The following ACACA variants were observed in gnomAD, a reference collection of about 807,000 sequenced individuals.
ACACA encodes the protein acetyl-CoA carboxylase 1.
In ACACA, 103 loss-of-function variants were observed where a neutral mutation model predicts 296.1. The observed-to-expected ratio is 0.35, with a 90% CI of 0.30 to 0.41. The LOEUF is 0.41. Among genes scored for constraint, ACACA ranks in the 10% least tolerant of loss-of-function variants. The pLI is 1.00. For missense variants in ACACA, 1,554 were observed against 2,989.7 expected (o/e 0.52, Z 11.20); for synonymous variants, 953 against 1,038.6 (o/e 0.92, Z 1.58).
At position 37,198,164 on chromosome 17, in the gene ACACA, GT is replaced by G. The variant is rs374062515; in HGVS notation, c.4158+1974del. Among the ~76,000 whole-genome samples the G allele has an allele frequency of 1.4e-3, 217 of 152,190 alleles. 1 individual carries two copies. The highest frequency in any genetic ancestry group is 4.9e-3 in the African/African-American group (205 of 41,518). Reference sequence around the variant, plus strand: ...ACTATAGATTCAGAGATAAGAAAGGGTTTTTTTATGTGTTACATATATGAGA... The same window carrying G: ...ACTATAGATTCAGAGATAAGAAAGGGTTTTTTATGTGTTACATATATGAGA... On this transcript the variant is annotated intron_variant, in intron 35 of 55. Transcript: ENST00000616317.
At chr17:37,207,572 T>G in intron 31 of ACACA, 85 bp downstream of exon 31, 1 of 1,534,794 alleles carries the variant, frequency 6.5e-7, no homozygotes, top group Non-Finnish European at 9.0e-7. Flanking sequence ...TCGGGAGACC[T>G]TTATTCATTT....
chr17:37,110,289 T>C (rs911156132), intron 52 of ACACA, among the ~76,000 whole-genome samples: 1 of 152,250 alleles, frequency 6.6e-6, no homozygotes, highest in East Asian at 1.9e-4. Context: ...TGAACAGTTG[T>C]AAGTAACTTG....
intron 10 of ACACA, among the ~76,000 whole-genome samples, chr17:37,265,992 C>G (rs2081750091): frequency 6.6e-6 from 1 of 152,180 alleles, no homozygotes; most frequent in Non-Finnish European, 1.5e-5. Flanking sequence ...AGTCTCTTGA[C>G]AACTTTGTGG....
intron 4 of ACACA, among the ~76,000 whole-genome samples, chr17:37,284,065 G>A (rs115763993): frequency 0.024 from 3,629 of 152,242 alleles, 131 homozygotes; most frequent in African/African-American, 0.083. Flanking sequence ...GGATGCTGAT[G>A]AAGTAATACT....
At chr17:37,248,977 C>T (rs2080849819) in intron 16 of ACACA, among the ~76,000 whole-genome samples, 1 of 152,148 alleles carries the variant, frequency 6.6e-6, no homozygotes, top group African/African-American at 2.4e-5. Flanking sequence ...TTTCAACTGG[C>T]AAAAGTGAAA....
intron 3 of ACACA, among the ~76,000 whole-genome samples, chr17:37,313,801 C>T (rs1402939092): frequency 2.6e-5 from 4 of 152,088 alleles, no homozygotes; most frequent in Non-Finnish European, 5.9e-5. Flanking sequence ...ATGGAGGTTC[C>T]TCAAAAAACT....
intron 1 of ACACA, among the ~76,000 whole-genome samples, chr17:37,364,431 T>TA (rs1338494549): frequency 6.6e-6 from 1 of 150,998 alleles, no homozygotes; most frequent in African/African-American, 2.4e-5. Context: ...CCATGTCTAG[T>TA]AAAAGTACAA....
chr17:37,253,161 A>G (rs948575473), intron 14 of ACACA, 125 bp from the exon 15 acceptor site: 11 of 1,349,372 alleles, frequency 8.2e-6, no homozygotes, highest in Middle Eastern at 1.8e-4. Flanking sequence ...GGAGGCCAAG[A>G]CAAGGCGGAT....
At chr17:37,273,109 A>G (rs895060072) in intron 9 of ACACA, among the ~76,000 whole-genome samples, 4 of 152,244 alleles carry the variant, frequency 2.6e-5, no homozygotes, top group Non-Finnish European at 5.9e-5. Context: ...AAATTCAATT[A>G]GAAATATTAA....
At chr17:37,095,644 G>A (rs1009807251) in intron 54 of ACACA, among the ~76,000 whole-genome samples, 1 of 152,096 alleles carries the variant, frequency 6.6e-6, no homozygotes, top group Admixed American at 6.5e-5. Context: ...CTCTAACCTG[G>A]TAGTCACCAA....
intron 38 of ACACA, among the ~76,000 whole-genome samples, chr17:37,188,820 C>T (rs189191002): frequency 1.1e-4 from 16 of 152,162 alleles, no homozygotes; most frequent in Admixed American, 9.8e-4. Context: ...GAGGAAGCCC[C>T]AAATAAGAAT....
At chr17:37,173,995 TATATA>T (rs2076987993) in intron 41 of ACACA, among the ~76,000 whole-genome samples, 1 of 9,330 alleles carries the variant, frequency 1.1e-4, no homozygotes, top group African/African-American at 6.1e-4. Context: ...TATATATATA[TATATA>T]TATATATATA....
intron 50 of ACACA, among the ~76,000 whole-genome samples, chr17:37,116,295 C>T (rs1402835237): frequency 2.6e-5 from 4 of 152,176 alleles, no homozygotes; most frequent in Non-Finnish European, 5.9e-5. Context: ...GCCTCTACTA[C>T]TTCATTCTTA....
chr17:37,321,467 T>C (rs1163657643), intron 3 of ACACA, among the ~76,000 whole-genome samples: 1 of 152,092 alleles, frequency 6.6e-6, no homozygotes, highest in Non-Finnish European at 1.5e-5. Context: ...CTACAAAACG[T>C]GGCCGGGTGC....
At chr17:37,127,981 G>C (rs1476213345) in intron 47 of ACACA, among the ~76,000 whole-genome samples, 2 of 118,204 alleles carry the variant, frequency 1.7e-5, no homozygotes, top group Admixed American at 1.1e-4. Flanking sequence ...CCGAGATCAT[G>C]CCATTGTACT....
intron 39 of ACACA, among the ~76,000 whole-genome samples, chr17:37,181,900 CAAAAAAAAAAAAAA>C (rs61045031): frequency 7.6e-3 from 169 of 22,242 alleles, no homozygotes; most frequent in African/African-American, 0.02. Flanking sequence ...ACTCTGTATC[CAAAAAAAAAAAAAA>C]AAAAAAAAAA....
At chr17:37,389,290 G>T in intron 1 of ACACA, 1 of 1,599,334 alleles carries the variant, frequency 6.3e-7, no homozygotes, top group Non-Finnish European at 8.5e-7. Flanking sequence ...GCCAGTGGTT[G>T]TGGAGATGGC....
At chr17:37,351,894 A>G (rs1334470972) in intron 1 of ACACA, among the ~76,000 whole-genome samples, 1 of 150,374 alleles carries the variant, frequency 6.7e-6, no homozygotes, top group Non-Finnish European at 1.5e-5. Context: ...ATGCCTCACA[A>G]TGCTGTGTAA....
At chr17:37,373,676 C>A (rs1326607988) in intron 1 of ACACA, among the ~76,000 whole-genome samples, 1 of 152,184 alleles carries the variant, frequency 6.6e-6, no homozygotes, top group Non-Finnish European at 1.5e-5. Flanking sequence ...TCTTTTGCCA[C>A]CTTGTGACAC....
Sources: gnomAD v4.1 joint callset for allele counts (sites outside exome capture counted in the v4.1 genomes callset) on GRCh38, gnomAD v4.1.1 for gene constraint, MANE v1.5 for transcripts, NCBI Gene and HGNC (gene_info 2026-07-23, HGNC 2026-07-21) for gene names.